Variants in SGCD observed in about 807,000 individuals in gnomAD.
SGCD encodes the protein delta-sarcoglycan.
SGCD carries 18 observed loss-of-function variants against 36.6 expected under a neutral mutation model. That is an observed-to-expected ratio of 0.49 (90% CI 0.34 to 0.73). The LOEUF is 0.73. Ranked by LOEUF, SGCD falls within the 30% of genes least tolerant of loss-of-function variation. SGCD has a pLI of 0.01. For synonymous variants in SGCD, 133 were observed against 130.6 expected (o/e 1.02, Z -0.12); for missense variants, 387 against 346.7 (o/e 1.12, Z -0.92).
intron 3 of SGCD, among the ~76,000 whole-genome samples, chr5:156,265,028 A>G (rs1765964093): frequency 6.6e-6 from 1 of 151,970 alleles, no homozygotes. Flanking sequence ...TGAGCAACCC[A>G]ATAGTGATGA....
rs114209013 is a variant in SGCD at position 156,173,781 on chromosome 5, T to C, written c.-44+49762T>C. On this transcript the variant is annotated intron_variant, in intron 3 of 9. Transcript: ENST00000517913. Reference sequence around the variant, plus strand: ...ATAATGAAGTAATAACTTCTTGTTATACTTACCTTGACCTTTCATGCTTAT... The same window carrying C: ...ATAATGAAGTAATAACTTCTTGTTACACTTACCTTGACCTTTCATGCTTAT... Among the ~76,000 whole-genome samples the C allele has an allele frequency of 8.9e-3, 1,360 of 152,058 alleles. 8 individuals carry two copies. The highest frequency in any genetic ancestry group is 0.015 in the Non-Finnish European group (1,038 of 67,992).
chr5:155,966,983 ATATGTGTGCG>A (rs1334068024), intron 1 of SGCD, among the ~76,000 whole-genome samples: 1 of 148,568 alleles, frequency 6.7e-6, no homozygotes, highest in Non-Finnish European at 1.5e-5. Context: ...GTATGTGTGT[ATATGTGTGCG>A]TATGTGTGTA....
chr5:155,894,025 C>T (rs1351955163), intron 1 of SGCD, among the ~76,000 whole-genome samples: 1 of 152,114 alleles, frequency 6.6e-6, no homozygotes, highest in Non-Finnish European at 1.5e-5. Context: ...CTGTATAAGG[C>T]ACTTATCATG....
At chr5:156,246,751 C>T (rs529013464) in intron 3 of SGCD, among the ~76,000 whole-genome samples, 26 of 152,292 alleles carry the variant, frequency 1.7e-4, no homozygotes, top group African/African-American at 6.3e-4. Context: ...TGAAATGCCA[C>T]TGTGTAATTC....
chr5:155,950,046 T>A (rs1296718161), intron 1 of SGCD, among the ~76,000 whole-genome samples: 1 of 152,172 alleles, frequency 6.6e-6, no homozygotes, highest in South Asian at 2.1e-4. Flanking sequence ...GTTTTGAAAA[T>A]TTTTATTGCA....
intron 7 of SGCD, among the ~76,000 whole-genome samples, chr5:156,751,420 A>G (rs1226280860): frequency 6.6e-6 from 1 of 152,014 alleles, no homozygotes; most frequent in African/African-American, 2.4e-5. Flanking sequence ...TTGCTCAGGT[A>G]AGACACAGAA....
intron 4 of SGCD, among the ~76,000 whole-genome samples, chr5:156,575,294 A>G (rs982394980): frequency 2.0e-5 from 3 of 152,212 alleles, no homozygotes; most frequent in African/African-American, 7.2e-5. Flanking sequence ...CTCTCTGCTT[A>G]CTGGCTTTCT....
chr5:156,722,808 CCTTCTA>C (rs797018949), intron 7 of SGCD, among the ~76,000 whole-genome samples: 30 of 152,276 alleles, frequency 2.0e-4, no homozygotes, highest in African/African-American at 7.0e-4. Context: ...GAAATCTCTC[CCTTCTA>C]CTTCTAACTT....
chr5:155,731,025 G>C, the SGCD span, among the ~76,000 whole-genome samples: 1 of 152,196 alleles, frequency 6.6e-6, no homozygotes, highest in Non-Finnish European at 1.5e-5. Flanking sequence ...TGGGGGCCAA[G>C]AGGAGAATGG....
At chr5:156,179,250 G>A (rs1194811607) in intron 3 of SGCD, among the ~76,000 whole-genome samples, 1 of 151,644 alleles carries the variant, frequency 6.6e-6, no homozygotes, top group Non-Finnish European at 1.5e-5. Flanking sequence ...TTCTATCTGT[G>A]CTGCTTGGTT....
At chr5:156,284,228 A>T (rs1164279997) in intron 3 of SGCD, among the ~76,000 whole-genome samples, 2 of 152,154 alleles carry the variant, frequency 1.3e-5, no homozygotes, top group Admixed American at 6.6e-5. Flanking sequence ...TTCACAGCCA[A>T]ATTCTACTAG....
intron 4 of SGCD, among the ~76,000 whole-genome samples, chr5:156,548,912 T>TA (rs1758684274): frequency 1.3e-5 from 2 of 152,286 alleles, no homozygotes; most frequent in African/African-American, 4.8e-5. Flanking sequence ...TGTTCTAAAA[T>TA]ACCCTGTCTC....
chr5:156,712,334 C>T (rs903311665), intron 7 of SGCD, among the ~76,000 whole-genome samples: 2 of 152,174 alleles, frequency 1.3e-5, no homozygotes, highest in African/African-American at 4.8e-5. Context: ...ATGCCGCAAG[C>T]TTGGCAGATC....
rs145514209 is a variant in SGCD at position 156,135,088 on chromosome 5, G to A, written c.-44+11069G>A. Among the ~76,000 whole-genome samples, 255 of 152,216 alleles carry A rather than the reference G, an allele frequency of 1.7e-3. 2 individuals carry two copies. Among genetic ancestry groups the A allele is most frequent in the East Asian group, 0.012 (61 of 5,178 alleles). ...CTTCTAGTTCCCAACTCTGCATAGC[G>A]TATAGTAAGTACTCAATAGATATGG... On this transcript the variant is annotated intron_variant, in intron 3 of 9. Coordinates refer to the SGCD transcript ENST00000517913.
chr5:156,113,451 T>C (rs1044253354), intron 1 of SGCD, among the ~76,000 whole-genome samples: 5 of 152,180 alleles, frequency 3.3e-5, no homozygotes, highest in African/African-American at 1.2e-4. Flanking sequence ...GATCTTACAG[T>C]TGAGTGGCTT....
At chr5:155,890,278 C>G (rs983217413) in intron 1 of SGCD, among the ~76,000 whole-genome samples, 4 of 151,940 alleles carry the variant, frequency 2.6e-5, no homozygotes, top group African/African-American at 9.7e-5. Context: ...TATGGCCAAG[C>G]CTTAAGGGAA....
Position 156,368,280 on chromosome 5 carries a change from AC to A in SGCD, c.192+23605del, listed in dbSNP as rs527256630. Among the ~76,000 whole-genome samples the A allele has an allele frequency of 2.8e-4, 43 of 151,994 alleles. No homozygotes were observed. The South Asian group carries it at 8.3e-3, about 29-fold the overall frequency. On this transcript the variant is annotated intron_variant, in intron 3 of 8. Coordinates refer to ENST00000337851, the MANE Select transcript of SGCD (RefSeq NM_000337.6). ...TAATTTTTTTGTATTTTTAGTAGCGACCGAGTTTCACCATCTTGGCCAGGCT... is the reference window on the plus strand; with the variant it reads ...TAATTTTTTTGTATTTTTAGTAGCGACGAGTTTCACCATCTTGGCCAGGCT...
intron 1 of SGCD, among the ~76,000 whole-genome samples, chr5:156,089,219 G>T (rs32385): frequency 1.3e-5 from 2 of 152,002 alleles, no homozygotes; most frequent in African/African-American, 4.8e-5. Context: ...TTTTAAAGAG[G>T]CTCAATACAA....
At chr5:156,235,418 G>A (rs1367630423) in intron 3 of SGCD, among the ~76,000 whole-genome samples, 3 of 152,278 alleles carry the variant, frequency 2.0e-5, no homozygotes, top group East Asian at 1.9e-4. Flanking sequence ...TTGGTTTGAC[G>A]TGTCACCTCA....
Sources: gnomAD v4.1 joint callset for allele counts (sites outside exome capture counted in the v4.1 genomes callset) on GRCh38, gnomAD v4.1.1 for gene constraint, MANE v1.5 for transcripts, NCBI Gene and HGNC (gene_info 2026-07-23, HGNC 2026-07-21) for gene names.